The following ZNF609 variants were observed in gnomAD, a reference collection of about 807,000 sequenced individuals.
ZNF609 encodes zinc finger protein 609.
Under a neutral mutation model 109.5 loss-of-function variants are expected in ZNF609, and 11 were observed. That is an observed-to-expected ratio of 0.10 (90% CI 0.06 to 0.17). The LOEUF (loss-of-function observed/expected upper bound fraction) is 0.17. ZNF609 is among the 10% of genes least tolerant of loss of function. The pLI is 1.00. For synonymous variants in ZNF609, 646 were observed against 662.0 expected (o/e 0.98, Z 0.37); for missense variants, 1,559 against 1,772.4 (o/e 0.88, Z 2.16).
intron 3 of ZNF609, among the ~76,000 whole-genome samples, chr15:64,659,506 A>G (rs1480169294): frequency 1.3e-5 from 2 of 152,226 alleles, no homozygotes; most frequent in South Asian, 2.1e-4. Flanking sequence ...GATAAGGGAA[A>G]GACTACTGCA....
chr15:64,651,988 A>T (rs1567039655), intron 3 of ZNF609, among the ~76,000 whole-genome samples: 1 of 152,190 alleles, frequency 6.6e-6, no homozygotes, highest in Non-Finnish European at 1.5e-5. Flanking sequence ...AGAAATTAAA[A>T]AAAAAAAAAC....
chr15:64,612,376 C>G (rs1895731576), intron 2 of ZNF609, among the ~76,000 whole-genome samples: 1 of 151,486 alleles, frequency 6.6e-6, no homozygotes, highest in South Asian at 2.1e-4. Context: ...GTCTTGATCT[C>G]CTGACCTTGT....
At chr15:64,496,208 T>C (rs184211662) in intron 1 of ZNF609, among the ~76,000 whole-genome samples, 1 of 152,362 alleles carries the variant, frequency 6.6e-6, no homozygotes, top group Admixed American at 6.5e-5. Flanking sequence ...GACTGAGAAC[T>C]GTCAGAAGCT....
intron 2 of ZNF609, among the ~76,000 whole-genome samples, chr15:64,513,771 G>C (rs575075733): frequency 6.6e-6 from 1 of 152,028 alleles, no homozygotes; most frequent in Non-Finnish European, 1.5e-5. Context: ...ATTATGAGAG[G>C]CACATGGGAG....
chr15:64,477,075 C>T (rs916169014), intron 1 of ZNF609, among the ~76,000 whole-genome samples: 3 of 151,076 alleles, frequency 2.0e-5, no homozygotes. Flanking sequence ...TCTAGATGCT[C>T]TCTTGTTTGA....
chr15:64,511,976 G>A (rs908587269), intron 2 of ZNF609, among the ~76,000 whole-genome samples: 8 of 151,272 alleles, frequency 5.3e-5, no homozygotes, highest in Non-Finnish European at 1.2e-4. Flanking sequence ...GCCTCCCAAA[G>A]TGCTGGGATT....
intron 2 of ZNF609, among the ~76,000 whole-genome samples, chr15:64,518,919 T>A (rs533166619): frequency 6.6e-6 from 1 of 152,270 alleles, no homozygotes; most frequent in South Asian, 2.1e-4. Context: ...GTGCTTGCAC[T>A]GCCTGTGCTG....
chr15:64,604,913 A>T (rs1243668140), intron 2 of ZNF609, among the ~76,000 whole-genome samples: 1 of 151,392 alleles, frequency 6.6e-6, no homozygotes, highest in East Asian at 2.0e-4. Flanking sequence ...CTCACTGCAA[A>T]CTCCACCTCC....
Position 64,683,962 on chromosome 15 carries a change from C to T in ZNF609, c.*2276C>T, listed in dbSNP as rs1019254299. On this transcript the variant is annotated 3_prime_UTR_variant, in exon 10 of 10. Transcript: ENST00000326648. ...CAGCCTTGGGTTCTCCAGAAGAGAA[C>T]AGGTTTTTCTTTTCCTTTTTAATTT... 1 of 152,208 alleles carries T rather than the reference C, an allele frequency of 6.6e-6. No individual in the cohort carries two copies. The highest frequency in any genetic ancestry group is 1.5e-5 in the Non-Finnish European group (1 of 68,060). The allele number at this position is 152,208 out of a possible 1,614,324, so 9.4% of individuals were successfully genotyped here.
At chr15:64,557,472 A>G (rs577460325) in intron 2 of ZNF609, among the ~76,000 whole-genome samples, 1 of 152,240 alleles carries the variant, frequency 6.6e-6, no homozygotes, top group East Asian at 1.9e-4. Flanking sequence ...TTATTCAGCA[A>G]TGAATAAAAA....
intron 3 of ZNF609, among the ~76,000 whole-genome samples, chr15:64,663,692 C>T (rs1445250395): frequency 3.3e-5 from 5 of 151,942 alleles, no homozygotes; most frequent in African/African-American, 1.2e-4. Flanking sequence ...GGAAGCGTTT[C>T]AAGAAGGGAA....
intron 2 of ZNF609, among the ~76,000 whole-genome samples, chr15:64,607,539 G>T (rs527721395): frequency 6.0e-5 from 8 of 133,486 alleles, no homozygotes; most frequent in Non-Finnish European, 1.3e-4. Flanking sequence ...GAATCTCACT[G>T]TGTTGCCCAG....
At chr15:64,635,093 G>T (rs987894010) in intron 3 of ZNF609, among the ~76,000 whole-genome samples, 4 of 152,082 alleles carry the variant, frequency 2.6e-5, no homozygotes, top group Non-Finnish European at 5.9e-5. Flanking sequence ...CTAATCTCCA[G>T]GGGAGAAAGA....
intron 3 of ZNF609, among the ~76,000 whole-genome samples, chr15:64,650,891 TG>T (rs796967342): frequency 0.013 from 1,883 of 144,644 alleles, 20 homozygotes; most frequent in Non-Finnish European, 0.017. Flanking sequence ...TGTTGATGGG[TG>T]GGGGGGGGAT....
intron 3 of ZNF609, among the ~76,000 whole-genome samples, chr15:64,635,993 AGATAATTTCACCAG>A (rs887439603): frequency 6.6e-6 from 1 of 152,166 alleles, no homozygotes. Flanking sequence ...AGGCAGCTGG[AGATAATTTCACCAG>A]GATAGGGTGG....
chr15:64,540,763 C>T lies in ZNF609; in HGVS notation c.747+40597C>T, dbSNP rs143371087. Among the ~76,000 whole-genome samples the T allele has an allele frequency of 5.9e-5, 9 of 151,670 alleles. No individual in the cohort carries two copies. The East Asian group carries it at 1.8e-3, about 30-fold the overall frequency. ...CTTTGTGTCTGGCTGGGCGCGGTGG[C>T]TCACGCCTGTAATCCCAGCACTTTG... On this transcript the variant is annotated intron_variant, in intron 2 of 9. Transcript: ENST00000326648.
At chr15:64,522,217 T>C (rs1198670116) in intron 2 of ZNF609, among the ~76,000 whole-genome samples, 5 of 152,250 alleles carry the variant, frequency 3.3e-5, no homozygotes, top group Admixed American at 6.5e-5. Context: ...CATTCTGGCA[T>C]TGAAATCTAT....
At chr15:64,549,527 T>C (rs1414680726) in intron 2 of ZNF609, among the ~76,000 whole-genome samples, 1 of 152,152 alleles carries the variant, frequency 6.6e-6, no homozygotes, top group Non-Finnish European at 1.5e-5. Flanking sequence ...CAGTTAATGA[T>C]GTAGGTACTA....
intron 2 of ZNF609, among the ~76,000 whole-genome samples, chr15:64,576,794 G>A (rs1228394916): frequency 1.6e-5 from 2 of 128,540 alleles, no homozygotes; most frequent in Non-Finnish European, 3.1e-5. Context: ...CTGCACTCCA[G>A]CCTGGGAGAC....
Sources: allele counts gnomAD v4.1 joint callset (sites outside exome capture counted in the v4.1 genomes callset), GRCh38; gene constraint gnomAD v4.1.1; transcripts MANE v1.5; gene names NCBI Gene and HGNC (gene_info 2026-07-23, HGNC 2026-07-21).